Variants in ERBB4 observed in about 807,000 individuals in gnomAD.
The protein encoded by ERBB4 is receptor tyrosine-protein kinase erbB-4.
In ERBB4, 42 loss-of-function variants were observed where a neutral mutation model predicts 158.0. The ratio of observed to expected loss-of-function variants is 0.27; its 90% CI spans 0.21 to 0.34. ERBB4 has a LOEUF of 0.34. Ranked by LOEUF, ERBB4 falls within the 10% of genes least tolerant of loss-of-function variation. The pLI is 1.00. For missense variants in ERBB4, 1,333 were observed against 1,624.1 expected, an observed-to-expected ratio of 0.82 and a Z score of 3.08; for synonymous variants, 583 against 558.7, an observed-to-expected ratio of 1.04 and a Z score of -0.61.
chr2:212,422,267 G>A (rs1245817202), intron 1 of ERBB4, among the ~76,000 whole-genome samples: 1 of 152,120 alleles, frequency 6.6e-6, no homozygotes, highest in East Asian at 1.9e-4. Flanking sequence ...CACTTTGGGA[G>A]GCCAAGGCGG....
rs559904797 is a variant in ERBB4, at chr2:211,524,118, T to C, written c.2487+37785A>G. ...CCTTGAGCTAGATACAGAGTGCCGATTGGTGTATTTACGATCCCTGAGCTA... is the reference window on the plus strand; with the variant it reads ...CCTTGAGCTAGATACAGAGTGCCGACTGGTGTATTTACGATCCCTGAGCTA... On this transcript the variant is annotated intron_variant, in intron 20 of 27. Transcript: ENST00000342788. Among the ~76,000 whole-genome samples, 9 of 151,844 alleles carry C rather than the reference T, an allele frequency of 5.9e-5. No individual in the cohort carries two copies. The South Asian group carries it at 1.9e-3, about 32-fold the overall frequency.
intron 1 of ERBB4, among the ~76,000 whole-genome samples, chr2:212,350,421 A>G (rs2089202640): frequency 6.6e-6 from 1 of 152,156 alleles, no homozygotes; most frequent in Non-Finnish European, 1.5e-5. Context: ...TTCCAAGAAC[A>G]TAAGCAAATG....
intron 20 of ERBB4, among the ~76,000 whole-genome samples, chr2:211,451,725 G>A (rs908332042): frequency 6.6e-6 from 1 of 152,130 alleles, no homozygotes; most frequent in Non-Finnish European, 1.5e-5. Context: ...CTTCCAATAA[G>A]AAGGGTCAGT....
intron 20 of ERBB4, among the ~76,000 whole-genome samples, chr2:211,511,394 C>T (rs1384358671): frequency 6.6e-6 from 1 of 151,860 alleles, no homozygotes; most frequent in Non-Finnish European, 1.5e-5. Context: ...TGAATAAATA[C>T]AGACAGATAT....
chr2:211,496,910 T>C (rs1478331598), intron 20 of ERBB4, among the ~76,000 whole-genome samples: 2 of 152,056 alleles, frequency 1.3e-5, no homozygotes, highest in East Asian at 1.9e-4. Flanking sequence ...TGATATTATA[T>C]ACACACACAC....
At position 212,051,531 on chromosome 2, in the gene ERBB4, G is replaced by C. The variant is rs114816767; in HGVS notation, c.234+73221C>G. Among the ~76,000 whole-genome samples, 98 of 152,190 alleles carry C rather than the reference G, an allele frequency of 6.4e-4. 2 individuals carry two copies. Among genetic ancestry groups the C allele is most frequent in the Admixed American group, 7.9e-4 (12 of 15,286 alleles). On this transcript the variant is annotated intron_variant, in intron 2 of 27. Coordinates refer to ENST00000342788, the MANE Select transcript of ERBB4 (RefSeq NM_005235.3). ...ATTGATGTTATGTTTCCTTACACAT[G>C]AGATTACTTCTTACAGGAACTCAAA...
intron 22 of ERBB4, among the ~76,000 whole-genome samples, chr2:211,426,382 G>A (rs2063627530): frequency 6.6e-6 from 1 of 152,154 alleles, no homozygotes; most frequent in Non-Finnish European, 1.5e-5. Context: ...AAGGTGCACT[G>A]TAAACAAGGT....
intron 1 of ERBB4, among the ~76,000 whole-genome samples, chr2:212,175,367 A>G (rs900116672): frequency 6.6e-6 from 1 of 151,896 alleles, no homozygotes; most frequent in African/African-American, 2.4e-5. Flanking sequence ...TCTTTATGTC[A>G]CTGTTTCTCT....
At chr2:211,442,733 G>GTA (rs34704422) in intron 20 of ERBB4, among the ~76,000 whole-genome samples, 116,356 of 150,854 alleles carry the variant, frequency 0.77, 45,095 homozygotes, top group African/African-American at 0.84. Flanking sequence ...ATACATATGT[G>GTA]TATATATATA....
intron 19 of ERBB4, among the ~76,000 whole-genome samples, chr2:211,564,143 G>T (rs565038948): frequency 6.6e-6 from 1 of 152,260 alleles, no homozygotes; most frequent in South Asian, 2.1e-4. Flanking sequence ...AATAGTAAAA[G>T]TAGGAAGTGG....
chr2:211,713,535 C>A lies in ERBB4; in HGVS notation c.997G>T (p.Ala333Ser), dbSNP rs768893584. 6.3e-7 allele frequency: 1 copy of A among 1,575,484 alleles called. No individual in the cohort carries two copies. The highest frequency in any genetic ancestry group is 8.7e-7 in the Non-Finnish European group (1 of 1,144,958). ...CTAAATAATCTGAGCTACCACTCAC[C>A]TTTTGGGCAAATGTCAGTGCAAGGT... ...CKPCTDICPKACDGIGTGSLM... is the reference protein window; with the variant it reads ...CKPCTDICPKSCDGIGTGSLM... The change falls in exon 8 of 28, where the codon GCT becomes TCT. Residue 333 changes from alanine to serine, a missense_variant and splice_region_variant. Ala to Ser is a moderately conservative substitution (Grantham distance 99). Transcript: ENST00000342788.
chr2:211,472,793 G>T (rs184227596), intron 20 of ERBB4, among the ~76,000 whole-genome samples: 2 of 152,006 alleles, frequency 1.3e-5, no homozygotes, highest in Admixed American at 6.6e-5. Context: ...GTGTGAATCG[G>T]AATCACCTAC....
intron 1 of ERBB4, among the ~76,000 whole-genome samples, chr2:212,390,757 A>C (rs1263660087): frequency 6.6e-6 from 1 of 151,756 alleles, no homozygotes; most frequent in Non-Finnish European, 1.5e-5. Context: ...TATCTTCCAC[A>C]AGTCTTTTTA....
At chr2:212,447,256 C>T (rs895695168) in intron 1 of ERBB4, among the ~76,000 whole-genome samples, 5 of 151,964 alleles carry the variant, frequency 3.3e-5, no homozygotes, top group African/African-American at 1.2e-4. Context: ...CTCGGTCTCC[C>T]AAAGTGCTGG....
chr2:211,899,585 T>A lies in ERBB4; in HGVS notation c.421+47845A>T, dbSNP rs2079181934. ...AGACCTGTAAAATTAGACAGTACTG[T>A]TTTATAGTACTTACATTTGATAAAA... On this transcript the variant is annotated intron_variant, in intron 3 of 27. Coordinates refer to ENST00000342788, the MANE Select transcript of ERBB4 (RefSeq NM_005235.3). 3.3e-5 allele frequency among the ~76,000 whole-genome samples: 5 copies of A among 152,132 alleles called. No individual in the cohort carries two copies. The South Asian group carries it at 1.0e-3, about 31-fold the overall frequency.
rs1337717393 is a variant in ERBB4, at chr2:212,297,850, A to G, written c.83-172947T>C. The stretch of plus-strand genomic sequence containing the variant: ...ATTTATTATAAAGATATTTTTGACC[A>G]AACTTCCTCAAAATACTACATGAAA... On this transcript the variant is annotated intron_variant, in intron 1 of 27. Coordinates refer to ENST00000342788, the MANE Select transcript of ERBB4 (RefSeq NM_005235.3). Among the ~76,000 whole-genome samples the G allele has an allele frequency of 4.0e-5, 6 of 151,650 alleles. No individual in the cohort carries two copies. The East Asian group carries it at 1.2e-3, about 30-fold the overall frequency.
At chr2:211,879,187 G>A (rs1055959294) in intron 3 of ERBB4, among the ~76,000 whole-genome samples, 10 of 151,742 alleles carry the variant, frequency 6.6e-5, no homozygotes, top group African/African-American at 2.2e-4. Flanking sequence ...TATCACAAAT[G>A]TCTGCATAAA....
At chr2:211,768,579 T>C (rs1329321206) in intron 4 of ERBB4, among the ~76,000 whole-genome samples, 2 of 152,202 alleles carry the variant, frequency 1.3e-5, no homozygotes, top group African/African-American at 2.4e-5. Flanking sequence ...AATTCTTGAC[T>C]TCTGTGCACC....
At chr2:211,922,248 AC>A (rs573752663) in intron 3 of ERBB4, among the ~76,000 whole-genome samples, 161 of 152,220 alleles carry the variant, frequency 1.1e-3, no homozygotes, top group African/African-American at 3.7e-3. Flanking sequence ...AAAAGTGACT[AC>A]CAGTTACATT....
Sources: gnomAD v4.1 joint callset for allele counts (sites outside exome capture counted in the v4.1 genomes callset) on GRCh38, gnomAD v4.1.1 for gene constraint, MANE v1.5 for transcripts, NCBI Gene and HGNC (gene_info 2026-07-23, HGNC 2026-07-21) for gene names.